The following NDP variants were observed in gnomAD, a reference collection of about 807,000 sequenced individuals.
NDP encodes norrin.
In NDP, 2 loss-of-function variants were observed where a neutral mutation model predicts 8.4. The observed-to-expected ratio is 0.24, with a 90% CI of 0.10 to 0.75. NDP has a LOEUF of 0.75. NDP is among the 30% of genes least tolerant of loss of function. The pLI is 0.73. For missense variants in NDP, 81 were observed against 110.1 expected (o/e 0.74, Z 1.18); for synonymous variants, 55 against 45.6 (o/e 1.21, Z -0.83).
chrX:43,971,346 A>G (rs900867693), intron 1 of NDP, among the ~76,000 whole-genome samples: 2 of 112,471 alleles, frequency 1.8e-5, no homozygotes, highest in Non-Finnish European at 3.7e-5. Context: ...TGGTGGCTAT[A>G]ATTCCAAGAA....
At chrX:43,963,921 C>A (rs1447230792) in intron 1 of NDP, among the ~76,000 whole-genome samples, 1 of 112,874 alleles carries the variant, frequency 8.9e-6, no homozygotes, top group Non-Finnish European at 1.9e-5. Context: ...GACCCAGAGG[C>A]AGCGGCACTG....
intron 2 of NDP, among the ~76,000 whole-genome samples, chrX:43,956,889 A>T (rs1319927464): frequency 8.9e-6 from 1 of 111,819 alleles, no homozygotes; most frequent in East Asian, 2.8e-4. Flanking sequence ...CTTCGGTTTG[A>T]GTTCATGATG....
intron 1 of NDP, among the ~76,000 whole-genome samples, chrX:43,970,799 G>A (rs142524839): frequency 9.0e-5 from 10 of 111,602 alleles, no homozygotes; most frequent in Non-Finnish European, 1.5e-4. Flanking sequence ...CTGAGTAGGC[G>A]ACTCACACCC....
chrX:43,951,303 T>C (rs768620833), intron 2 of NDP, among the ~76,000 whole-genome samples: 3 of 109,159 alleles, frequency 2.7e-5, no homozygotes, highest in Admixed American at 9.8e-5. Context: ...TAGTCCCAGC[T>C]ACTTTGGCAG....
chrX:43,952,916 C>A (rs779843000), intron 2 of NDP, among the ~76,000 whole-genome samples: 85 of 111,586 alleles, frequency 7.6e-4, no homozygotes, highest in African/African-American at 2.6e-3. Flanking sequence ...CCACTCCCTA[C>A]TCCAGTCAAA....
chrX:43,957,944 C>T (rs1298732553), intron 2 of NDP, among the ~76,000 whole-genome samples: 2 of 108,218 alleles, frequency 1.8e-5, no homozygotes. Context: ...CAAATGAGAA[C>T]GATTTGGATA....
At chrX:43,952,562 T>A (rs1307619208) in intron 2 of NDP, among the ~76,000 whole-genome samples, 1 of 112,026 alleles carries the variant, frequency 8.9e-6, no homozygotes, top group Non-Finnish European at 1.9e-5. Flanking sequence ...CCATTAGCAC[T>A]GTCCATAAAA....
chrX:43,958,717 C>T lies in NDP; in HGVS notation c.-72G>A. On this transcript the variant is annotated 5_prime_UTR_variant, in exon 2 of 3. It adds an upstream start codon to the 5' untranslated region. Transcript: ENST00000642620. ...GGACAAAAAATTGGAAATGGCTTCA[C>T]CTCCTAGGATCCAGTCCCGTTCAAG... 1 of 933,755 alleles carries T rather than the reference C, an allele frequency of 1.1e-6. No homozygotes were observed. The highest frequency in any genetic ancestry group is 2.0e-5 in the South Asian group (1 of 49,549). The allele number at this position is 933,755 out of a possible 1,213,427, so 77.0% of individuals were successfully genotyped here. A position where few individuals can be genotyped will look rare whatever the true frequency, so the allele number is the denominator to read the frequency against.
rs1337202939 is a variant in NDP, at chrX:43,952,277, C to A, written c.175-2251G>T. Among the ~76,000 whole-genome samples the A allele has an allele frequency of 2.7e-5, 3 of 111,763 alleles. No individual in the cohort carries two copies. In the Admixed American group the frequency reaches 2.8e-4, roughly 11 times the overall value. The stretch of plus-strand genomic sequence containing the variant: ...AGATCTTCCTTAGTCTGTTCTCCCC[C>A]CATCTCCCTGTATGTGGGAAGAGCT... On this transcript the variant is annotated intron_variant, in intron 2 of 2. Transcript: ENST00000642620.
At chrX:43,962,222 C>G (rs2035830201) in intron 1 of NDP, among the ~76,000 whole-genome samples, 1 of 109,981 alleles carries the variant, frequency 9.1e-6, no homozygotes, top group East Asian at 2.8e-4. Context: ...CTCACAGAAC[C>G]CTCAAAACAA....
intron 1 of NDP, among the ~76,000 whole-genome samples, chrX:43,964,485 G>C (rs1183405490): frequency 9.0e-6 from 1 of 111,053 alleles, no homozygotes; most frequent in Non-Finnish European, 1.9e-5. Context: ...ACTCGACCTT[G>C]AGCCTGACTG....
In NDP at chrX:43,950,527, G is replaced by A. The variant is rs762311477; in HGVS notation, c.175-501C>T. Among the ~76,000 whole-genome samples, 6 of 108,795 alleles carry A rather than the reference G, an allele frequency of 5.5e-5. No homozygotes were observed. The South Asian group carries it at 2.4e-3, about 44-fold the overall frequency. The allele number at this position is 108,795 out of a possible 115,157, so 94.5% of individuals were successfully genotyped here. On this transcript the variant is annotated intron_variant, in intron 2 of 2. Coordinates refer to ENST00000642620, the MANE Select transcript of NDP (RefSeq NM_000266.4). ...GCTAAAGAACAGGAATATAGTTTCT[G>A]AATAAGAAAATAGGATAGCCTGAGT...
chrX:43,970,065 G>A (rs1039662978), intron 1 of NDP, among the ~76,000 whole-genome samples: 4 of 112,084 alleles, frequency 3.6e-5, no homozygotes, highest in Non-Finnish European at 5.6e-5. Context: ...TTTATTGTCC[G>A]GGTAAGTTGG....
rs1426547120 is a variant in NDP, at chrX:43,973,287, C to T, written c.-208+17G>A. The T allele has an allele frequency of 8.9e-6, 1 of 111,789 alleles. No homozygotes were observed. The highest frequency in any genetic ancestry group is 1.9e-5 in the Non-Finnish European group (1 of 53,140). The allele number at this position is 111,789 out of a possible 1,213,427, so 9.2% of individuals were successfully genotyped here. A position where few individuals can be genotyped will look rare whatever the true frequency, so the allele number is the denominator to read the frequency against. ...CGATTTCCTAGGCAAGCCGGCAGCG[C>T]TTGTTTTCCTGCTTACCTTAGGGGA... On this transcript the variant is annotated intron_variant, in intron 1 of 2. Transcript: ENST00000642620.
At chrX:43,964,321 C>T (rs1236105464) in intron 1 of NDP, among the ~76,000 whole-genome samples, 1 of 110,715 alleles carries the variant, frequency 9.0e-6, no homozygotes, top group Non-Finnish European at 1.9e-5. Context: ...CAATGAATTA[C>T]AATCCTGGGG....
chrX:43,971,487 A>C (rs1463078051), intron 1 of NDP, among the ~76,000 whole-genome samples: 1 of 111,454 alleles, frequency 9.0e-6, no homozygotes, highest in East Asian at 2.8e-4. Flanking sequence ...CCACAGGCAC[A>C]TTTCCATCTG....
At chrX:43,959,547 T>C (rs1391729576) in intron 1 of NDP, among the ~76,000 whole-genome samples, 3 of 112,284 alleles carry the variant, frequency 2.7e-5, no homozygotes, top group Non-Finnish European at 5.6e-5. Context: ...CCTGGGCACA[T>C]GGTGTAATTC....
chrX:43,972,753 A>G (rs1270490055), intron 1 of NDP, among the ~76,000 whole-genome samples: 1 of 112,834 alleles, frequency 8.9e-6, no homozygotes, highest in Non-Finnish European at 1.9e-5. Context: ...AAAGCGTGAC[A>G]CAGAAAGCTA....
intron 1 of NDP, among the ~76,000 whole-genome samples, chrX:43,971,525 G>T (rs964895347): frequency 9.0e-6 from 1 of 111,551 alleles, no homozygotes; most frequent in African/African-American, 3.3e-5. Flanking sequence ...GTACACAGTC[G>T]TAAGAAGGCC....
Sources: allele counts gnomAD v4.1 joint callset (sites outside exome capture counted in the v4.1 genomes callset), GRCh38; gene constraint gnomAD v4.1.1; transcripts MANE v1.5; gene names NCBI Gene and HGNC (gene_info 2026-07-23, HGNC 2026-07-21).